The following ERICH3 variants were observed in gnomAD, a reference collection of about 807,000 sequenced individuals.
The protein encoded by ERICH3 is glutamate-rich protein 3.
ERICH3 carries 126 observed loss-of-function variants against 131.1 expected under a neutral mutation model. That is an observed-to-expected ratio of 0.96 (90% CI 0.83 to 1.11). The LOEUF is 1.11. Ranked by LOEUF, ERICH3 falls within the 50% of genes most tolerant of loss-of-function variation. The pLI is 0.00. For synonymous variants in ERICH3, 695 were observed against 644.6 expected (o/e 1.08, Z -1.18); for missense variants, 2,050 against 1,810.7 (o/e 1.13, Z -2.40).
At chr1:74,614,757 A>G (rs1318416959) in intron 8 of ERICH3, among the ~76,000 whole-genome samples, 1 of 152,158 alleles carries the variant, frequency 6.6e-6, no homozygotes, top group Non-Finnish European at 1.5e-5. Context: ...AGTCATTTAT[A>G]CCTTAGTATT....
chr1:74,651,336 T>G (rs963552118), intron 1 of ERICH3, among the ~76,000 whole-genome samples: 8 of 152,082 alleles, frequency 5.3e-5, no homozygotes, highest in African/African-American at 1.9e-4. Flanking sequence ...AGGTGCCACA[T>G]GAGGGTTGCA....
At chr1:74,632,866 A>G (rs1371670319) in intron 6 of ERICH3, among the ~76,000 whole-genome samples, 5 of 151,922 alleles carry the variant, frequency 3.3e-5, no homozygotes, top group African/African-American at 1.2e-4. Flanking sequence ...TTTAATCAGC[A>G]TGTACTATTT....
intron 1 of ERICH3, among the ~76,000 whole-genome samples, chr1:74,664,343 A>G (rs1646669689): frequency 1.3e-5 from 2 of 151,836 alleles, no homozygotes; most frequent in Non-Finnish European, 1.5e-5. Flanking sequence ...CCTAGTACCC[A>G]GAAAGTTGAA....
At chr1:74,617,748 T>TA (rs1334588695) in intron 8 of ERICH3, among the ~76,000 whole-genome samples, 1 of 152,226 alleles carries the variant, frequency 6.6e-6, no homozygotes, top group Admixed American at 6.5e-5. Context: ...GGAGATGTCC[T>TA]ACACCTAGTC....
Position 74,620,225 on chromosome 1 carries a change from A to T in ERICH3, c.1000+509T>A, listed in dbSNP as rs574298605. ...CATTATCCTATGCTGACAAACGTGGATTTATGATCAAATGAAAGCAAAAAT... is the reference window on the plus strand; with the variant it reads ...CATTATCCTATGCTGACAAACGTGGTTTTATGATCAAATGAAAGCAAAAAT... On this transcript the variant is annotated intron_variant, in intron 8 of 14. Transcript: ENST00000326665. Among the ~76,000 whole-genome samples, 10 of 152,328 alleles carry T rather than the reference A, an allele frequency of 6.6e-5. No homozygotes were observed. In the South Asian group the frequency reaches 1.9e-3, roughly 28 times the overall value.
chr1:74,584,342 G>T (rs933164980), intron 12 of ERICH3, among the ~76,000 whole-genome samples: 1 of 152,208 alleles, frequency 6.6e-6, no homozygotes, highest in Non-Finnish European at 1.5e-5. Flanking sequence ...CTAGAGGAAA[G>T]ATTTCCTAAC....
chr1:74,586,425 C>T, intron 12 of ERICH3: 1 of 983,988 alleles, frequency 1.0e-6, no homozygotes, highest in Non-Finnish European at 1.2e-6. Flanking sequence ...AAATTGCTAT[C>T]CACCGTTATC....
At chr1:74,597,048 C>G (rs1481791933) in intron 11 of ERICH3, among the ~76,000 whole-genome samples, 1 of 151,984 alleles carries the variant, frequency 6.6e-6, no homozygotes, top group Admixed American at 6.6e-5. Context: ...TTAATCATGT[C>G]AATAAAAAGG....
chr1:74,590,171 A>T (rs1647522188), intron 11 of ERICH3, 91 bp from the exon 12 acceptor site: 3 of 1,143,890 alleles, frequency 2.6e-6, no homozygotes, highest in African/African-American at 3.1e-5. Flanking sequence ...TAATACTAAA[A>T]ATTTTAAAAC....
intron 11 of ERICH3, among the ~76,000 whole-genome samples, chr1:74,596,155 A>C (rs17095659): frequency 0.016 from 2,452 of 152,194 alleles, 78 homozygotes; most frequent in African/African-American, 0.056. Flanking sequence ...TCTTCAACAG[A>C]TTGAAAAATA....
intron 8 of ERICH3, among the ~76,000 whole-genome samples, chr1:74,616,103 G>A (rs1417366345): frequency 6.6e-6 from 1 of 152,090 alleles, no homozygotes; most frequent in African/African-American, 2.4e-5. Context: ...CTGGGTTCAA[G>A]CTATTCTCGT....
At chr1:74,647,954 C>A (rs1646499496) in intron 2 of ERICH3, among the ~76,000 whole-genome samples, 1 of 152,134 alleles carries the variant, frequency 6.6e-6, no homozygotes, top group Non-Finnish European at 1.5e-5. Context: ...AGAGTGGAAG[C>A]TCCTATAGGG....
chr1:74,612,643 C>A lies in ERICH3; in HGVS notation c.1167G>T (p.Glu389Asp). 1 of 1,580,640 alleles carries A rather than the reference C, an allele frequency of 6.3e-7. No individual in the cohort carries two copies. ...KRGYFGFVCVERSSPCYKCII... is the reference protein window; with the variant it reads ...KRGYFGFVCVDRSSPCYKCII... ...CATACTTGTAGCAAGGAGATGATCT[C>A]TCAACACACACAAACCCAAAGTAGC... The change falls in exon 9 of 15, where the codon GAG becomes GAT. Residue 389 changes from glutamate (E) to aspartate (D), a missense_variant. Transcript: ENST00000326665.
intron 13 of ERICH3, among the ~76,000 whole-genome samples, chr1:74,575,911 G>C (rs1013349843): frequency 6.7e-6 from 1 of 149,180 alleles, no homozygotes; most frequent in Non-Finnish European, 1.5e-5. Flanking sequence ...AGAAATATTA[G>C]TATAAAAACA....
intron 1 of ERICH3, among the ~76,000 whole-genome samples, chr1:74,668,622 C>G (rs555381007): frequency 6.6e-6 from 1 of 152,254 alleles, no homozygotes; most frequent in East Asian, 1.9e-4. Context: ...ATAACAAACC[C>G]CTTTCCATTC....
intron 12 of ERICH3, among the ~76,000 whole-genome samples, chr1:74,581,162 C>A (rs1234005466): frequency 5.3e-5 from 8 of 152,100 alleles, no homozygotes; most frequent in African/African-American, 1.9e-4. Context: ...TGTTCTACAA[C>A]AAATTTTGGA....
chr1:74,640,771 G>A (rs1271711669), intron 5 of ERICH3, among the ~76,000 whole-genome samples: 1 of 152,072 alleles, frequency 6.6e-6, no homozygotes, highest in Non-Finnish European at 1.5e-5. Flanking sequence ...TTTAGAGTAT[G>A]TGCACAGACT....
chr1:74,619,140 G>A (rs59596845), intron 8 of ERICH3, among the ~76,000 whole-genome samples: 4 of 152,146 alleles, frequency 2.6e-5, no homozygotes, highest in Admixed American at 2.0e-4. Context: ...GTCCAATGCC[G>A]TAACAAAACA....
At chr1:74,615,896 G>T (rs1284225651) in intron 8 of ERICH3, among the ~76,000 whole-genome samples, 1 of 152,110 alleles carries the variant, frequency 6.6e-6, no homozygotes, top group East Asian at 1.9e-4. Flanking sequence ...TTCGCCTGTG[G>T]TATGACCAGT....
Sources: gnomAD v4.1 joint callset for allele counts (sites outside exome capture counted in the v4.1 genomes callset) on GRCh38, gnomAD v4.1.1 for gene constraint, MANE v1.5 for transcripts, NCBI Gene and HGNC (gene_info 2026-07-23, HGNC 2026-07-21) for gene names.